NR3C2: variants seen among roughly 807,000 people sequenced by gnomAD.
NR3C2 encodes mineralocorticoid receptor.
In NR3C2, 15 loss-of-function variants were observed where a neutral mutation model predicts 86.4. The ratio of observed to expected loss-of-function variants is 0.17; its 90% CI spans 0.12 to 0.27. The LOEUF (loss-of-function observed/expected upper bound fraction) is 0.27, where lower values mean the gene tolerates loss of function less well. Among genes scored for constraint, NR3C2 ranks in the 10% least tolerant of loss-of-function variants. NR3C2 has a pLI of 1.00. For synonymous variants in NR3C2, 458 were observed against 450.5 expected (o/e 1.02, Z -0.21); for missense variants, 960 against 1,195.6 (o/e 0.80, Z 2.91).
intron 2 of NR3C2, among the ~76,000 whole-genome samples, chr4:148,308,134 C>T (rs931284608): frequency 6.6e-6 from 1 of 152,112 alleles, no homozygotes; most frequent in Non-Finnish European, 1.5e-5. Flanking sequence ...AACCCAAGGA[C>T]ATGTGAAGTT....
chr4:148,126,670 C>T (rs1732761065), intron 6 of NR3C2, among the ~76,000 whole-genome samples: 1 of 152,146 alleles, frequency 6.6e-6, no homozygotes, highest in Admixed American at 6.5e-5. Flanking sequence ...TAATGTGTGA[C>T]AACACACCTA....
chr4:148,208,390 T>C (rs1397954383), intron 3 of NR3C2: 1 of 152,294 alleles, frequency 6.6e-6, no homozygotes, highest in Non-Finnish European at 1.5e-5. Flanking sequence ...GGGATCTCTG[T>C]GTTAAGTTAC....
chr4:148,123,041 C>A (rs937177380), intron 6 of NR3C2, among the ~76,000 whole-genome samples: 10 of 152,154 alleles, frequency 6.6e-5, no homozygotes, highest in African/African-American at 2.4e-4. Flanking sequence ...GGAAATATAT[C>A]ACTAAATTCT....
chr4:148,103,355 G>A (rs1372831549), intron 8 of NR3C2, among the ~76,000 whole-genome samples: 2 of 152,300 alleles, frequency 1.3e-5, no homozygotes, highest in East Asian at 3.9e-4. Flanking sequence ...TCATGTGGTT[G>A]TTGTATCCAT....
intron 7 of NR3C2, 137 bp downstream of exon 7, chr4:148,120,021 C>T (rs1050019073): frequency 2.5e-6 from 3 of 1,186,168 alleles, no homozygotes; most frequent in Non-Finnish European, 3.7e-6. Flanking sequence ...CAAAGCCTTC[C>T]TCCCATTTCT....
At chr4:148,350,696 C>T (rs1258334169) in intron 2 of NR3C2, among the ~76,000 whole-genome samples, 1 of 152,136 alleles carries the variant, frequency 6.6e-6, no homozygotes, top group Non-Finnish European at 1.5e-5. Flanking sequence ...ACATTCAGAC[C>T]ACACTCTAAT....
At position 148,158,599 on chromosome 4, in the gene NR3C2, G is replaced by A. The variant is rs191350188; in HGVS notation, c.2015-3698C>T. On this transcript the variant is annotated intron_variant, in intron 4 of 8. Coordinates refer to ENST00000358102, the MANE Select transcript of NR3C2 (RefSeq NM_000901.5). ...CATCCTTTATAGGACCACATCTGAC[G>A]ATAACCATGATTTATTGACTAGAAC... Among the ~76,000 whole-genome samples the A allele has an allele frequency of 2.5e-3, 377 of 152,218 alleles. 2 individuals carry two copies. The highest frequency in any genetic ancestry group is 8.0e-3 in the African/African-American group (334 of 41,538).
At chr4:148,180,841 TCCC>T (rs1452858004) in intron 4 of NR3C2, among the ~76,000 whole-genome samples, 2 of 152,214 alleles carry the variant, frequency 1.3e-5, no homozygotes, top group East Asian at 3.8e-4. Flanking sequence ...ATAAGTGTTT[TCCC>T]CACTGTGGTT....
chr4:148,317,822 T>C (rs183676427), intron 2 of NR3C2, among the ~76,000 whole-genome samples: 2 of 152,248 alleles, frequency 1.3e-5, no homozygotes, highest in East Asian at 3.9e-4. Flanking sequence ...TTTTTAGTGA[T>C]TATATAAATA....
intron 2 of NR3C2, among the ~76,000 whole-genome samples, chr4:148,304,970 A>C (rs1742539822): frequency 6.6e-6 from 1 of 150,774 alleles, no homozygotes; most frequent in African/African-American, 2.4e-5. Flanking sequence ...CCACATGCCT[A>C]ATTTTTCCTG....
At chr4:148,177,714 G>C in intron 4 of NR3C2, among the ~76,000 whole-genome samples, 1 of 152,178 alleles carries the variant, frequency 6.6e-6, no homozygotes, top group Non-Finnish European at 1.5e-5. Context: ...TAGGATGGCT[G>C]ATCATCCCTT....
chr4:148,358,445 G>C (rs1433229081), intron 2 of NR3C2, among the ~76,000 whole-genome samples: 1 of 133,438 alleles, frequency 7.5e-6, no homozygotes, highest in Non-Finnish European at 1.6e-5. Flanking sequence ...CACAGGAAGG[G>C]GAATATCACA....
intron 2 of NR3C2, among the ~76,000 whole-genome samples, chr4:148,413,039 C>T (rs1208240314): frequency 6.6e-6 from 1 of 152,116 alleles, no homozygotes; most frequent in Non-Finnish European, 1.5e-5. Context: ...TAGAAGCGTC[C>T]CCTATGTTAT....
chr4:148,155,644 C>T (rs937903650), intron 4 of NR3C2, among the ~76,000 whole-genome samples: 2 of 151,886 alleles, frequency 1.3e-5, no homozygotes, highest in Non-Finnish European at 2.9e-5. Context: ...ATTCCATGCT[C>T]ATGGGTAGGA....
intron 2 of NR3C2, among the ~76,000 whole-genome samples, chr4:148,286,813 T>C (rs190967757): frequency 6.6e-6 from 1 of 152,154 alleles, no homozygotes; most frequent in Non-Finnish European, 1.5e-5. Flanking sequence ...CTGAACACAA[T>C]AACAGCAAAA....
At chr4:148,234,640 G>A (rs530801411) in intron 3 of NR3C2, among the ~76,000 whole-genome samples, 5 of 148,972 alleles carry the variant, frequency 3.4e-5, no homozygotes, top group South Asian at 2.1e-4. Flanking sequence ...CCAAGATTGC[G>A]CCACTGTACT....
rs1391417495 is a variant in NR3C2, at chr4:148,126,865, T to C, written c.2511-6577A>G. On this transcript the variant is annotated intron_variant, in intron 6 of 8. Transcript: ENST00000358102. ...CTGTGAGGAATTATTCTCATATTCATGATAAGGAATTTTAGGTACATGTGA... is the reference window on the plus strand; with the variant it reads ...CTGTGAGGAATTATTCTCATATTCACGATAAGGAATTTTAGGTACATGTGA... 3.3e-5 allele frequency among the ~76,000 whole-genome samples: 5 copies of C among 152,330 alleles called. 1 individual carries two copies. The highest frequency in any genetic ancestry group is 1.2e-4 in the African/African-American group (5 of 41,596).
At chr4:148,239,308 C>T (rs375029931) in intron 3 of NR3C2, among the ~76,000 whole-genome samples, 127 of 152,274 alleles carry the variant, frequency 8.3e-4, no homozygotes, top group African/African-American at 2.8e-3. Flanking sequence ...GCCAGGGTCC[C>T]AGTCTGTAAA....
At chr4:148,302,877 C>G (rs1399184711) in intron 2 of NR3C2, among the ~76,000 whole-genome samples, 1 of 150,840 alleles carries the variant, frequency 6.6e-6, no homozygotes, top group Non-Finnish European at 1.5e-5. Context: ...AAGTTACTTT[C>G]CAGCAGGCCC....
Sources: gnomAD v4.1 joint callset for allele counts (sites outside exome capture counted in the v4.1 genomes callset) on GRCh38, gnomAD v4.1.1 for gene constraint, MANE v1.5 for transcripts, NCBI Gene and HGNC (gene_info 2026-07-23, HGNC 2026-07-21) for gene names.